WDPCP: variants seen among roughly 807,000 people sequenced by gnomAD.
WDPCP encodes WD repeat containing planar cell polarity effector.
A neutral mutation model predicts 93.1 loss-of-function variants in WDPCP; 71 were observed. The observed-to-expected ratio is 0.76, with a 90% CI of 0.63 to 0.93. The LOEUF (loss-of-function observed/expected upper bound fraction) is 0.93, where lower values mean the gene tolerates loss of function less well. Among genes scored for constraint, WDPCP ranks in the 40% least tolerant of loss-of-function variants. The pLI, the probability that WDPCP is intolerant of heterozygous loss-of-function variation, is 0.00. For synonymous variants in WDPCP, 315 were observed against 315.0 expected, an observed-to-expected ratio of 1.00 and a Z score of 0.00; for missense variants, 844 against 887.4, an observed-to-expected ratio of 0.95 and a Z score of 0.62.
intron 1 of WDPCP, among the ~76,000 whole-genome samples, chr2:63,525,450 G>C (rs530172336): frequency 6.6e-6 from 1 of 152,088 alleles, no homozygotes; most frequent in Non-Finnish European, 1.5e-5. Flanking sequence ...TTCTCTCATT[G>C]CTTCTTTTGG....
At chr2:63,177,873 T>A (rs897757260) in intron 14 of WDPCP, among the ~76,000 whole-genome samples, 1 of 152,168 alleles carries the variant, frequency 6.6e-6, no homozygotes, top group African/African-American at 2.4e-5. Context: ...ATAGCCTTTA[T>A]TATGTTGGAG....
chr2:63,696,014 C>A (rs959840387), intron 2 of WDPCP, among the ~76,000 whole-genome samples: 1 of 152,152 alleles, frequency 6.6e-6, no homozygotes, highest in Non-Finnish European at 1.5e-5. Flanking sequence ...GGGGACAGCT[C>A]TTCCATCTCC....
At chr2:63,644,743 G>T (rs1158183743) in intron 3 of WDPCP, among the ~76,000 whole-genome samples, 2 of 152,048 alleles carry the variant, frequency 1.3e-5, no homozygotes, top group African/African-American at 2.4e-5. Context: ...TTGGTATGTG[G>T]TATGCATCTA....
chr2:63,597,713 G>T, intron 3 of WDPCP: 1 of 665,014 alleles, frequency 1.5e-6, no homozygotes, highest in African/African-American at 1.9e-5. Flanking sequence ...CTAGAGTTTT[G>T]CTTGATAAGC....
At chr2:63,326,658 CAG>C (rs963021930) in intron 12 of WDPCP, among the ~76,000 whole-genome samples, 11 of 138,858 alleles carry the variant, frequency 7.9e-5, no homozygotes, top group African/African-American at 1.2e-4. Context: ...GAGGAAGTGA[CAG>C]AGAGACAGAG....
At chr2:63,354,929 G>A (rs1188874377) in intron 12 of WDPCP, among the ~76,000 whole-genome samples, 2 of 152,192 alleles carry the variant, frequency 1.3e-5, no homozygotes, top group Non-Finnish European at 2.9e-5. Flanking sequence ...AAAACTTGGA[G>A]AAGTATGGGA....
chr2:63,564,316 T>C (rs1706860084), intron 1 of WDPCP: 1 of 152,236 alleles, frequency 6.6e-6, no homozygotes, highest in African/African-American at 2.4e-5. Flanking sequence ...ACTGTTAGAA[T>C]TCTGTAACCT....
At chr2:63,273,890 A>C (rs1366456958) in intron 13 of WDPCP, among the ~76,000 whole-genome samples, 2 of 152,092 alleles carry the variant, frequency 1.3e-5, no homozygotes, top group Non-Finnish European at 2.9e-5. Context: ...ACAGACTTAA[A>C]TACAATAGTT....
At chr2:63,586,693 G>A (rs969604228) in intron 1 of WDPCP, among the ~76,000 whole-genome samples, 3 of 152,186 alleles carry the variant, frequency 2.0e-5, no homozygotes, top group Non-Finnish European at 4.4e-5. Flanking sequence ...AACAAGGCCC[G>A]TGAACTACCA....
At chr2:63,254,503 T>C (rs1428907182) in intron 14 of WDPCP, among the ~76,000 whole-genome samples, 1 of 152,156 alleles carries the variant, frequency 6.6e-6, no homozygotes, top group African/African-American at 2.4e-5. Flanking sequence ...TAGGACACTA[T>C]ATTAATATAA....
intron 11 of WDPCP, among the ~76,000 whole-genome samples, chr2:63,381,560 C>A (rs552071890): frequency 6.6e-6 from 1 of 152,038 alleles, no homozygotes; most frequent in Admixed American, 6.5e-5. Flanking sequence ...TTGTTTGGTG[C>A]CCTTTGTCTA....
intron 1 of WDPCP, among the ~76,000 whole-genome samples, chr2:63,818,331 G>C (rs1391031788): frequency 6.6e-6 from 1 of 152,156 alleles, no homozygotes; most frequent in Non-Finnish European, 1.5e-5. Flanking sequence ...AGCCAGAAAG[G>C]GCTTTCCGTT....
chr2:63,163,210 C>T (rs1364736218), intron 15 of WDPCP, among the ~76,000 whole-genome samples: 2 of 152,148 alleles, frequency 1.3e-5, no homozygotes, highest in Non-Finnish European at 2.9e-5. Flanking sequence ...TTGTCTTTCT[C>T]ACATTATCAG....
At chr2:63,462,373 T>G (rs769727530) in intron 6 of WDPCP, among the ~76,000 whole-genome samples, 1 of 152,020 alleles carries the variant, frequency 6.6e-6, no homozygotes, top group Non-Finnish European at 1.5e-5. Context: ...AGGGGAGGGA[T>G]AGCATTAGGA....
At chr2:63,494,639 G>C (rs941164859) in intron 1 of WDPCP, among the ~76,000 whole-genome samples, 6 of 151,482 alleles carry the variant, frequency 4.0e-5, no homozygotes, top group Non-Finnish European at 8.8e-5. Context: ...GGCATGACCC[G>C]GCCAGGCGCG....
intron 15 of WDPCP, among the ~76,000 whole-genome samples, chr2:63,160,405 A>T (rs1393962875): frequency 6.6e-6 from 1 of 152,112 alleles, no homozygotes. Context: ...GGCTTTTGTT[A>T]TATGTTGCTA....
chr2:63,331,036 G>A lies in WDPCP; in HGVS notation c.1749-17725C>T, dbSNP rs187292625. 2.0e-3 allele frequency among the ~76,000 whole-genome samples: 310 copies of A among 151,996 alleles called. 1 individual carries two copies. The highest frequency in any genetic ancestry group is 2.5e-3 in the Non-Finnish European group (173 of 67,928). The stretch of plus-strand genomic sequence containing the variant: ...AGATGTGCACACCCAGCTAGTTTTC[G>A]TATTTTTAGTAGAGGCAGGGTTTTG... On this transcript the variant is annotated intron_variant, in intron 12 of 17. Transcript: ENST00000272321.
intron 2 of WDPCP, among the ~76,000 whole-genome samples, chr2:63,710,530 T>G (rs1027986960): frequency 6.6e-6 from 1 of 152,182 alleles, no homozygotes; most frequent in Non-Finnish European, 1.5e-5. Context: ...TGCCCTCTCT[T>G]TCCAGACCCA....
intron 2 of WDPCP, among the ~76,000 whole-genome samples, chr2:63,670,619 A>T (rs1279721967): frequency 6.6e-6 from 1 of 152,190 alleles, no homozygotes; most frequent in Non-Finnish European, 1.5e-5. Context: ...TAAAGTGTAT[A>T]TGGTATAAAA....
Sources: allele counts gnomAD v4.1 joint callset (sites outside exome capture counted in the v4.1 genomes callset), GRCh38; gene constraint gnomAD v4.1.1; transcripts MANE v1.5; gene names NCBI Gene and HGNC (gene_info 2026-07-23, HGNC 2026-07-21).